TASP1: variants seen among roughly 807,000 people sequenced by gnomAD.
TASP1 encodes taspase 1.
TASP1 carries 16 observed loss-of-function variants against 56.6 expected under a neutral mutation model. That is an observed-to-expected ratio of 0.28 (90% confidence interval 0.19 to 0.43). The LOEUF is 0.43. Among genes scored for constraint, TASP1 ranks in the 20% least tolerant of loss-of-function variants. TASP1 has a pLI of 1.00. For missense variants in TASP1, 393 were observed against 511.6 expected (o/e 0.77, Z 2.24); for synonymous variants, 179 against 184.2 (o/e 0.97, Z 0.23).
chr20:13,588,411 C>T (rs73088093), intron 4 of TASP1, among the ~76,000 whole-genome samples: 8,285 of 151,802 alleles, frequency 0.055, 324 homozygotes, highest in Non-Finnish European at 0.084. Flanking sequence ...GATAACATGA[C>T]GCTGTATGTA....
At chr20:13,311,396 T>C in the TASP1 span, among the ~76,000 whole-genome samples, 13 of 152,286 alleles carry the variant, frequency 8.5e-5, no homozygotes, top group East Asian at 2.5e-3. Context: ...AAAAATTAAA[T>C]ATAGAACTAC....
intron 6 of TASP1, among the ~76,000 whole-genome samples, chr20:13,574,414 C>A (rs1004058153): frequency 6.6e-6 from 1 of 152,160 alleles, no homozygotes; most frequent in African/African-American, 2.4e-5. Flanking sequence ...AAAGGTAAAA[C>A]TCACAATGTC....
the TASP1 span, among the ~76,000 whole-genome samples, chr20:13,132,472 A>C: frequency 1.3e-5 from 2 of 151,930 alleles, no homozygotes; most frequent in Admixed American, 6.6e-5. Flanking sequence ...GACCGCACCC[A>C]GCCGCTTTAA....
chr20:13,365,191 T>C, the TASP1 span, among the ~76,000 whole-genome samples: 1 of 152,232 alleles, frequency 6.6e-6, no homozygotes, highest in Admixed American at 6.5e-5. Context: ...TTCTTAACTT[T>C]TCATATTCAA....
chr20:13,423,050 T>C (rs2042500255), intron 12 of TASP1, among the ~76,000 whole-genome samples: 1 of 152,214 alleles, frequency 6.6e-6, no homozygotes. Context: ...TTTATATATA[T>C]AAAATAACAT....
the TASP1 span, among the ~76,000 whole-genome samples, chr20:13,380,978 A>G: frequency 3.9e-5 from 6 of 152,330 alleles, no homozygotes; most frequent in East Asian, 1.2e-3. Context: ...GCTGGCAGTG[A>G]GAATTTCAAA....
At chr20:13,373,401 A>G in the TASP1 span, among the ~76,000 whole-genome samples, 1 of 151,328 alleles carries the variant, frequency 6.6e-6, no homozygotes, top group African/African-American at 2.4e-5. Context: ...TTTCAGCCTA[A>G]AAATTTCCTT....
the TASP1 span, among the ~76,000 whole-genome samples, chr20:13,118,034 G>T: frequency 6.6e-6 from 1 of 152,124 alleles, no homozygotes; most frequent in Non-Finnish European, 1.5e-5. Flanking sequence ...CTAGGACATG[G>T]TTTAGAATGA....
chr20:13,299,547 A>G, the TASP1 span: 1 of 1,206,660 alleles, frequency 8.3e-7, no homozygotes, highest in East Asian at 2.3e-5. This position sits in a 1 kb window ranked among gnomAD's most constrained non-coding sequence, Gnocchi z 5.8. Context: ...CGAGACCTTC[A>G]TAGCTGCGGT....
chr20:13,221,622 G>T, the TASP1 span: 8 of 462,694 alleles, frequency 1.7e-5, no homozygotes, highest in Non-Finnish European at 2.1e-5. Context: ...GCCGCGCCCA[G>T]CGCCAGCCCC....
In TASP1 at chr20:13,625,266, T is replaced by C; in HGVS notation, c.146-14A>G. ...GATAACCTGCACCTAAAGTAGAAAA[T>C]AAAATCCAGTTAATTATTAAAATAT... On this transcript the variant is annotated splice_polypyrimidine_tract_variant and intron_variant, in intron 2 of 13. Coordinates refer to ENST00000337743, the MANE Select transcript of TASP1 (RefSeq NM_017714.3). The C allele has an allele frequency of 6.3e-7, 1 of 1,592,310 alleles. No homozygotes were observed. The highest frequency in any genetic ancestry group is 8.6e-7 in the Non-Finnish European group (1 of 1,167,754).
chr20:13,458,295 G>C (rs1308896392), intron 11 of TASP1, among the ~76,000 whole-genome samples: 2 of 152,078 alleles, frequency 1.3e-5, no homozygotes, highest in African/African-American at 2.4e-5. Flanking sequence ...GGAAGAAAAA[G>C]AGTGCCAGTA....
the TASP1 span, among the ~76,000 whole-genome samples, chr20:13,132,551 A>G: frequency 2.0e-5 from 3 of 152,184 alleles, no homozygotes; most frequent in Non-Finnish European, 2.9e-5. Context: ...TGCCCTCACT[A>G]AAAGGTAAAC....
intron 13 of TASP1, among the ~76,000 whole-genome samples, chr20:13,403,793 G>T (rs2041823548): frequency 6.6e-6 from 1 of 152,034 alleles, no homozygotes; most frequent in Non-Finnish European, 1.5e-5. Context: ...GAGGCTGGAG[G>T]ATCTCTTGAA....
the TASP1 span, chr20:13,288,498 C>T: frequency 6.2e-7 from 1 of 1,601,940 alleles, no homozygotes; most frequent in Non-Finnish European, 8.5e-7. Context: ...TTGGGAGACT[C>T]TTTGGCCAAA....
chr20:13,340,783 C>A, the TASP1 span, among the ~76,000 whole-genome samples: 1 of 152,086 alleles, frequency 6.6e-6, no homozygotes, highest in African/African-American at 2.4e-5. Flanking sequence ...TGAAACATTA[C>A]AAATTTACCA....
the TASP1 span, among the ~76,000 whole-genome samples, chr20:13,252,737 C>T: frequency 6.6e-6 from 1 of 151,772 alleles, no homozygotes; most frequent in African/African-American, 2.4e-5. Flanking sequence ...GCTTGGGCAA[C>T]AGAGCGAGAC....
At chr20:13,540,526 T>C (rs1229385105) in intron 8 of TASP1, among the ~76,000 whole-genome samples, 1 of 152,156 alleles carries the variant, frequency 6.6e-6, no homozygotes, top group Non-Finnish European at 1.5e-5. Context: ...AAACGAATCA[T>C]GATATTGTCA....
Position 13,629,966 on chromosome 20 carries a change from T to A in TASP1, c.113A>T (p.Glu38Val). ...KELETKQSYK[E>V]KRGGFVLVHA... ...CACCAACACAAAGCCTCCTCGTTTC[T>A]CTTTATAGGACTGCTTTGTTTCCAA... Residue 38 changes from glutamate (E) to valine (V), a missense_variant, in exon 2 of 14, where the codon GAG (glutamate) becomes GTG (valine). Physicochemically the swap from Glu to Val is moderately radical, Grantham distance 121 (BLOSUM62 -2). Transcript: ENST00000337743. The A allele has an allele frequency of 6.2e-7, 1 of 1,613,828 alleles. No individual in the cohort carries two copies. The highest frequency in any genetic ancestry group is 8.5e-7 in the Non-Finnish European group (1 of 1,179,916).
Sources: gnomAD v4.1 joint callset for allele counts (sites outside exome capture counted in the v4.1 genomes callset) on GRCh38, gnomAD v4.1.1 for gene constraint, Gnocchi (gnomAD v3.1) non-coding constraint, MANE v1.5 for transcripts, NCBI Gene and HGNC (gene_info 2026-07-23, HGNC 2026-07-21) for gene names.